DOK6: variants seen among roughly 807,000 people sequenced by gnomAD.
DOK6 encodes the protein downstream of tyrosine kinase 6.
DOK6 carries 22 observed loss-of-function variants against 44.0 expected under a neutral mutation model. That is an observed-to-expected ratio of 0.50 (90% CI 0.36 to 0.71). The LOEUF is 0.71. DOK6 is among the 30% of genes least tolerant of loss of function. The pLI, the probability that DOK6 is intolerant of heterozygous loss-of-function variation, is 0.00. For missense variants in DOK6, 340 were observed against 416.4 expected (o/e 0.82, Z 1.60); for synonymous variants, 166 against 145.5 (o/e 1.14, Z -1.01).
intron 1 of DOK6, among the ~76,000 whole-genome samples, chr18:69,427,349 A>ATG (rs1978667843): frequency 6.6e-6 from 1 of 152,186 alleles, no homozygotes; most frequent in African/African-American, 2.4e-5. Context: ...GAAGACATAC[A>ATG]TGTGCCAACA....
intron 7 of DOK6, among the ~76,000 whole-genome samples, chr18:69,810,985 G>A (rs9954552): frequency 1.3e-5 from 2 of 152,040 alleles, no homozygotes; most frequent in East Asian, 3.9e-4. Context: ...GTACATCAAA[G>A]ATATATCCAT....
At chr18:69,569,881 G>A (rs931685699) in intron 2 of DOK6, among the ~76,000 whole-genome samples, 4 of 151,968 alleles carry the variant, frequency 2.6e-5, no homozygotes, top group African/African-American at 7.2e-5. Flanking sequence ...AAAAGAACAA[G>A]ATCATGTATA....
intron 7 of DOK6, among the ~76,000 whole-genome samples, chr18:69,792,865 T>C (rs1211353580): frequency 6.6e-6 from 1 of 152,090 alleles, no homozygotes. Flanking sequence ...CAGGAGATAA[T>C]AAAAAGTGAT....
At chr18:69,541,963 A>C (rs1022771241) in intron 1 of DOK6, among the ~76,000 whole-genome samples, 1 of 151,536 alleles carries the variant, frequency 6.6e-6, no homozygotes, top group Non-Finnish European at 1.5e-5. Flanking sequence ...TTTAAAAAGA[A>C]AGGGAGTTGA....
intron 5 of DOK6, among the ~76,000 whole-genome samples, chr18:69,726,170 G>T (rs561700507): frequency 6.6e-6 from 1 of 152,002 alleles, no homozygotes; most frequent in Non-Finnish European, 1.5e-5. Context: ...ATTTAACTTC[G>T]CTTCCTCTGC....
intron 3 of DOK6, among the ~76,000 whole-genome samples, chr18:69,640,463 G>A (rs1984913344): frequency 6.6e-6 from 1 of 152,112 alleles, no homozygotes; most frequent in Non-Finnish European, 1.5e-5. Context: ...TAGCCATTAG[G>A]AATCTGTGTT....
chr18:69,687,397 G>C lies in DOK6; in HGVS notation c.409+9544G>C, dbSNP rs116987192. On this transcript the variant is annotated intron_variant, in intron 4 of 7. Transcript: ENST00000382713. The stretch of plus-strand genomic sequence containing the variant: ...CAACTCTCAAAAACCTAGGAATAGA[G>C]GCCAGGCATGACGGTGGCTCACACC... Among the ~76,000 whole-genome samples, 7 of 151,832 alleles carry C rather than the reference G, an allele frequency of 4.6e-5. No homozygotes were observed. In the East Asian group the frequency reaches 1.4e-3, roughly 29 times the overall value.
chr18:69,420,831 G>C (rs1406800291), intron 1 of DOK6, among the ~76,000 whole-genome samples: 1 of 152,154 alleles, frequency 6.6e-6, no homozygotes, highest in Non-Finnish European at 1.5e-5. Flanking sequence ...TGCCATCCTA[G>C]ACTAGGACAT....
At chr18:69,634,169 G>A (rs952237894) in intron 3 of DOK6, among the ~76,000 whole-genome samples, 4 of 151,998 alleles carry the variant, frequency 2.6e-5, no homozygotes, top group Non-Finnish European at 5.9e-5. Flanking sequence ...GTTCAGCACC[G>A]TGTCTAGTAC....
chr18:69,673,393 T>C (rs1289723914), intron 3 of DOK6, among the ~76,000 whole-genome samples: 1 of 152,212 alleles, frequency 6.6e-6, no homozygotes, highest in East Asian at 1.9e-4. Flanking sequence ...AGGTCTTCTA[T>C]TTAAATACCT....
rs1985083761 is a variant in DOK6 at position 69,646,757 on chromosome 18, C to T, written c.290-30977C>T. On this transcript the variant is annotated intron_variant, in intron 3 of 7. Coordinates refer to ENST00000382713, the MANE Select transcript of DOK6 (RefSeq NM_152721.6). ...AGAGACAGGGTGTTCACGACCAGGC[C>T]CCTCCTGGTCTATGCACTTCCAAGA... is the stretch of plus-strand genomic sequence containing the variant. 2.0e-5 allele frequency among the ~76,000 whole-genome samples: 3 copies of T among 152,062 alleles called. No individual in the cohort carries two copies. The South Asian group carries it at 6.2e-4, about 31-fold the overall frequency.
chr18:69,433,533 T>C (rs896956073), intron 1 of DOK6, among the ~76,000 whole-genome samples: 21 of 152,142 alleles, frequency 1.4e-4, no homozygotes, highest in Admixed American at 7.9e-4. Context: ...ATAAAGCTCA[T>C]ATACATCTAA....
chr18:69,462,537 G>A (rs375336605), intron 1 of DOK6, among the ~76,000 whole-genome samples: 81 of 152,176 alleles, frequency 5.3e-4, no homozygotes, highest in African/African-American at 1.9e-3. Flanking sequence ...TAAATGTCAT[G>A]GGTATTTAAA....
intron 1 of DOK6, among the ~76,000 whole-genome samples, chr18:69,438,950 T>C (rs1472827273): frequency 6.6e-6 from 1 of 152,130 alleles, no homozygotes; most frequent in Non-Finnish European, 1.5e-5. Flanking sequence ...CACACGCCTG[T>C]AGTTCCAGCT....
intron 1 of DOK6, among the ~76,000 whole-genome samples, chr18:69,529,359 T>C (rs932831504): frequency 6.6e-6 from 1 of 152,196 alleles, no homozygotes; most frequent in South Asian, 2.1e-4. Flanking sequence ...TAGTCAGCAC[T>C]ATTTTATGTC....
chr18:69,832,167 T>C (rs931693365), intron 7 of DOK6, among the ~76,000 whole-genome samples: 1 of 152,194 alleles, frequency 6.6e-6, no homozygotes, highest in African/African-American at 2.4e-5. Context: ...AGCTGTGGGT[T>C]TGTAAAAAAT....
At chr18:69,647,090 T>A (rs1985099582) in intron 3 of DOK6, among the ~76,000 whole-genome samples, 2 of 152,100 alleles carry the variant, frequency 1.3e-5, no homozygotes, top group African/African-American at 4.8e-5. Flanking sequence ...CTATCCTATC[T>A]GTCTATCCTA....
intron 1 of DOK6, among the ~76,000 whole-genome samples, chr18:69,528,603 T>C (rs759318011): frequency 2.0e-5 from 3 of 152,218 alleles, no homozygotes; most frequent in Non-Finnish European, 2.9e-5. Flanking sequence ...GCCAGGGAAC[T>C]CTAAATAGTC....
At chr18:69,810,990 A>G (rs554706842) in intron 7 of DOK6, among the ~76,000 whole-genome samples, 3 of 152,238 alleles carry the variant, frequency 2.0e-5, no homozygotes, top group Admixed American at 1.3e-4. Context: ...TCAAAGATAT[A>G]TCCATACTGT....
Sources: gnomAD v4.1 joint callset for allele counts (sites outside exome capture counted in the v4.1 genomes callset) on GRCh38, gnomAD v4.1.1 for gene constraint, MANE v1.5 for transcripts, NCBI Gene and HGNC (gene_info 2026-07-23, HGNC 2026-07-21) for gene names.